The following DERA variants were observed in gnomAD, a reference collection of about 807,000 sequenced individuals.
DERA encodes the protein 2-deoxy-D-ribose 5-phosphate aldolase.
Under a neutral mutation model 41.1 loss-of-function variants are expected in DERA, and 15 were observed. The ratio of observed to expected loss-of-function variants is 0.37; its 90% CI spans 0.24 to 0.56. The LOEUF (loss-of-function observed/expected upper bound fraction) is 0.56. DERA is among the 20% of genes least tolerant of loss of function. The pLI is 0.81. For synonymous variants in DERA, 139 were observed against 137.4 expected (o/e 1.01, Z -0.08); for missense variants, 396 against 403.4 (o/e 0.98, Z 0.16).
chr12:15,953,727 C>T (rs1019832573), intron 1 of DERA, among the ~76,000 whole-genome samples: 16 of 152,212 alleles, frequency 1.1e-4, no homozygotes, highest in African/African-American at 3.4e-4. Flanking sequence ...GGAAAGGAGA[C>T]GCTAAAGGGT....
In DERA at chr12:16,012,364, C is replaced by T. The variant is rs752558613; in HGVS notation, c.638-20178C>T. Among the ~76,000 whole-genome samples, 3 of 152,176 alleles carry T rather than the reference C, an allele frequency of 2.0e-5. No individual in the cohort carries two copies. The highest frequency in any genetic ancestry group is 4.8e-5 in the African/African-American group (2 of 41,442). On this transcript the variant is annotated intron_variant, in intron 6 of 8. Transcript: ENST00000428559. This position sits in a 1 kb window ranked among gnomAD's most constrained non-coding sequence, Gnocchi z 4.1. The stretch of plus-strand genomic sequence containing the variant: ...GCTAATCTCTAAGAGACATTGAAAC[C>T]ACTGAAAATACTCATGACAGAGGAA...
chr12:16,020,348 G>A lies in DERA; in HGVS notation c.638-12194G>A, dbSNP rs370639666. 2.6e-5 allele frequency among the ~76,000 whole-genome samples: 4 copies of A among 152,182 alleles called. No homozygotes were observed. The East Asian group carries it at 7.7e-4, about 29-fold the overall frequency. On this transcript the variant is annotated intron_variant, in intron 6 of 8. Coordinates refer to ENST00000428559, the MANE Select transcript of DERA (RefSeq NM_015954.4). The surrounding 1 kb of genome is among the most constrained non-coding windows in gnomAD (Gnocchi z 5.5). ...ATCTCATATTAACTCACTATTGCGA[G>A]AACAGCACGAAAGGGGAAATCTACC... is the stretch of plus-strand genomic sequence containing the variant.
In DERA at chr12:15,941,982, A is replaced by G. The variant is rs978050596; in HGVS notation, c.32-14954A>G. On this transcript the variant is annotated intron_variant, in intron 1 of 8. Transcript: ENST00000428559. The surrounding 1 kb of genome is among the most constrained non-coding windows in gnomAD (Gnocchi z 4.5). ...GTACTAATTTACATTCCCATCACCA[A>G]TGTAAAAGTGTTCCCTTTTCACCAC... Among the ~76,000 whole-genome samples, 6 of 151,768 alleles carry G rather than the reference A, an allele frequency of 4.0e-5. No individual in the cohort carries two copies. The highest frequency in any genetic ancestry group is 7.3e-5 in the Non-Finnish European group (5 of 68,030).
In DERA at chr12:15,984,889, C is replaced by T. The variant is rs1948754342; in HGVS notation, c.637+2453C>T. 6.6e-6 allele frequency among the ~76,000 whole-genome samples: 1 copy of T among 152,170 alleles called. No individual in the cohort carries two copies. On this transcript the variant is annotated intron_variant, in intron 6 of 8. Coordinates refer to ENST00000428559, the MANE Select transcript of DERA (RefSeq NM_015954.4). The surrounding 1 kb of genome is among the most constrained non-coding windows in gnomAD (Gnocchi z 4.5). ...ATTCTTGTCCCAATTTTATATGTAA[C>T]TTGCACAAACTAATCTCCCCAAAAG...
Position 15,985,868 on chromosome 12 carries a change from C to T in DERA, c.637+3432C>T, listed in dbSNP as rs140740036. Among the ~76,000 whole-genome samples, 57 of 152,132 alleles carry T rather than the reference C, an allele frequency of 3.7e-4. No homozygotes were observed. Among genetic ancestry groups the T allele is most frequent in the Admixed American group, 7.2e-4 (11 of 15,294 alleles). ...TCAGATGTTAGAGCAAATGTCAGAT[C>T]GAATTGGTTGATAATGTTTTTCAGA... On this transcript the variant is annotated intron_variant, in intron 6 of 8. Transcript: ENST00000428559. This position sits in a 1 kb window ranked among gnomAD's most constrained non-coding sequence, Gnocchi z 4.2.
Position 16,011,033 on chromosome 12 carries a change from C to T in DERA, c.638-21509C>T, listed in dbSNP as rs1040740205. 7.2e-5 allele frequency among the ~76,000 whole-genome samples: 11 copies of T among 152,116 alleles called. No individual in the cohort carries two copies. The highest frequency in any genetic ancestry group is 2.7e-4 in the African/African-American group (11 of 41,418). ...TAAAGTAGCCTAATTTTCTAGCTTG[C>T]TTTGTTCAGTAAAATGTATTTCTAA... is the stretch of plus-strand genomic sequence containing the variant. On this transcript the variant is annotated intron_variant, in intron 6 of 8. Transcript: ENST00000428559. This position sits in a 1 kb window ranked among gnomAD's most constrained non-coding sequence, Gnocchi z 4.7.
At position 16,000,083 on chromosome 12, in the gene DERA, T is replaced by C. The variant is rs1475706411; in HGVS notation, c.637+17647T>C. ...TATCGGGGGGCAAATTTGATTGTGC[T>C]TGGTGAGTGATTGCATGCTGAGCAG... On this transcript the variant is annotated intron_variant, in intron 6 of 8. Transcript: ENST00000428559. The surrounding 1 kb of genome is among the most constrained non-coding windows in gnomAD (Gnocchi z 4.8). 1.3e-5 allele frequency among the ~76,000 whole-genome samples: 2 copies of C among 152,134 alleles called. No individual in the cohort carries two copies. The highest frequency in any genetic ancestry group is 2.9e-5 in the Non-Finnish European group (2 of 68,008).
At chr12:15,973,627 A>C (rs1450921821) in intron 5 of DERA, among the ~76,000 whole-genome samples, 1 of 152,192 alleles carries the variant, frequency 6.6e-6, no homozygotes, top group East Asian at 1.9e-4. Flanking sequence ...AATAGCAAAA[A>C]ATCTGGAACC....
At chr12:15,991,871 G>A (rs1325777266) in intron 6 of DERA, among the ~76,000 whole-genome samples, 1 of 152,050 alleles carries the variant, frequency 6.6e-6, no homozygotes, top group East Asian at 1.9e-4. Flanking sequence ...TGTTTTACCA[G>A]TTCCTCTCTC....
chr12:15,998,939 A>G lies in DERA; in HGVS notation c.637+16503A>G, dbSNP rs192916832. Among the ~76,000 whole-genome samples, 2 of 152,300 alleles carry G rather than the reference A, an allele frequency of 1.3e-5. No homozygotes were observed. Among genetic ancestry groups the G allele is most frequent in the Admixed American group, 1.3e-4 (2 of 15,296 alleles). ...TTCTAAGAGCAAGAATTTATATTTT[A>G]AATTTAGGTCTCTCAGGACATTTGT... On this transcript the variant is annotated intron_variant, in intron 6 of 8. Transcript: ENST00000428559. The surrounding 1 kb of genome is among the most constrained non-coding windows in gnomAD (Gnocchi z 4.8).
At chr12:15,929,694 T>C (rs890320821) in intron 1 of DERA, among the ~76,000 whole-genome samples, 37 of 152,306 alleles carry the variant, frequency 2.4e-4, no homozygotes, top group South Asian at 1.0e-3. Flanking sequence ...TTGATTTTTT[T>C]CTGCAAGTCA....
intron 5 of DERA, among the ~76,000 whole-genome samples, chr12:15,980,806 T>C (rs112969525): frequency 4.5e-4 from 69 of 152,338 alleles, no homozygotes; most frequent in African/African-American, 1.6e-3. Flanking sequence ...TGGAATAGAA[T>C]ATTTGCTTTC....
chr12:15,926,146 C>T (rs1294250284), intron 1 of DERA, among the ~76,000 whole-genome samples: 1 of 152,004 alleles, frequency 6.6e-6, no homozygotes, highest in Non-Finnish European at 1.5e-5. Flanking sequence ...TTTACAGCCA[C>T]TTTCCTCTGA....
chr12:15,948,437 T>G (rs1948469053), intron 1 of DERA, among the ~76,000 whole-genome samples: 1 of 152,074 alleles, frequency 6.6e-6, no homozygotes, highest in African/African-American at 2.4e-5. Context: ...TCTCACTTCA[T>G]TTCATACATT....
intron 1 of DERA, among the ~76,000 whole-genome samples, chr12:15,942,224 TGC>T (rs1948413779): frequency 6.6e-6 from 1 of 152,230 alleles, no homozygotes; most frequent in Non-Finnish European, 1.5e-5. Context: ...GTTTTTTTCT[TGC>T]TGATTTGTTT....
chr12:15,996,858 A>T lies in DERA; in HGVS notation c.637+14422A>T, dbSNP rs1358484542. ...TCAGCAATGTTGAATGGTTTTGTGG[A>T]TAGGGGAAATCTAGTAGATATTAAA... is the stretch of plus-strand genomic sequence containing the variant. On this transcript the variant is annotated intron_variant, in intron 6 of 8. Coordinates refer to ENST00000428559, the MANE Select transcript of DERA (RefSeq NM_015954.4). The surrounding 1 kb of genome is among the most constrained non-coding windows in gnomAD (Gnocchi z 4.7). Among the ~76,000 whole-genome samples the T allele has an allele frequency of 6.6e-6, 1 of 152,198 alleles. No individual in the cohort carries two copies. The highest frequency in any genetic ancestry group is 1.5e-5 in the Non-Finnish European group (1 of 68,036).
intron 1 of DERA, among the ~76,000 whole-genome samples, chr12:15,946,630 G>A (rs1948451535): frequency 6.6e-6 from 1 of 150,586 alleles, no homozygotes; most frequent in Admixed American, 6.6e-5. Context: ...TTCTTTATTA[G>A]TCTTGCTAGC....
Position 15,994,563 on chromosome 12 carries a change from C to T in DERA, c.637+12127C>T, listed in dbSNP as rs1276757958. ...CTGCCTCCCGGGTTCACGCCATTCT[C>T]CTGCCTCAGCCTCCTGAATAGCTGG... On this transcript the variant is annotated intron_variant, in intron 6 of 8. Transcript: ENST00000428559. The surrounding 1 kb of genome is among the most constrained non-coding windows in gnomAD (Gnocchi z 4.8). Among the ~76,000 whole-genome samples the T allele has an allele frequency of 6.6e-6, 1 of 152,210 alleles. No individual in the cohort carries two copies. Among genetic ancestry groups the T allele is most frequent in the East Asian group, 1.9e-4 (1 of 5,186 alleles).
rs1004729874 is a variant in DERA, at chr12:15,935,121, A to G, written c.32-21815A>G. 6.4e-4 allele frequency among the ~76,000 whole-genome samples: 98 copies of G among 152,300 alleles called. No homozygotes were observed. The highest frequency in any genetic ancestry group is 2.3e-3 in the African/African-American group (95 of 41,570). The stretch of plus-strand genomic sequence containing the variant: ...AAGGTTTTTGAAAAACTAAAAATAT[A>G]CTAGTTTTCTAAATAAATTGAGCTG... On this transcript the variant is annotated intron_variant, in intron 1 of 8. Transcript: ENST00000428559. The surrounding 1 kb of genome is among the most constrained non-coding windows in gnomAD (Gnocchi z 4.8).
Sources: allele counts gnomAD v4.1 joint callset (sites outside exome capture counted in the v4.1 genomes callset), GRCh38; gene constraint gnomAD v4.1.1; non-coding constraint Gnocchi (gnomAD v3.1); transcripts MANE v1.5; gene names NCBI Gene and HGNC (gene_info 2026-07-23, HGNC 2026-07-21).